ADK: variants seen among roughly 807,000 people sequenced by gnomAD.
The protein encoded by ADK is adenosine kinase, also known as N6,N6-dimethyladenosine kinase.
A neutral mutation model predicts 44.7 loss-of-function variants in ADK; 24 were observed. The observed-to-expected ratio is 0.54, with a 90% CI of 0.39 to 0.76. The LOEUF is 0.76. Among genes scored for constraint, ADK ranks in the 30% least tolerant of loss-of-function variants. ADK has a pLI of 0.00. For missense variants in ADK, 321 were observed against 425.1 expected (o/e 0.76, Z 2.15); for synonymous variants, 128 against 142.6 (o/e 0.90, Z 0.73).
intron 6 of ADK, among the ~76,000 whole-genome samples, chr10:74,482,660 C>G (rs990012009): frequency 5.3e-5 from 8 of 152,254 alleles, no homozygotes; most frequent in African/African-American, 1.9e-4. Context: ...TAGTTACTTC[C>G]ATGATACAAT....
chr10:74,509,456 G>A (rs866463282), intron 6 of ADK: 1 of 152,334 alleles, frequency 6.6e-6, no homozygotes, highest in African/African-American at 2.4e-5. Context: ...CTCCCAAAGT[G>A]CTGGGATTAC....
intron 4 of ADK, among the ~76,000 whole-genome samples, chr10:74,330,910 C>A (rs1379306805): frequency 6.6e-6 from 1 of 152,182 alleles, no homozygotes; most frequent in Admixed American, 6.5e-5. Context: ...TTATTTATAG[C>A]CACCATGTTT....
chr10:74,196,572 T>C (rs572950064), intron 1 of ADK, among the ~76,000 whole-genome samples: 17 of 152,264 alleles, frequency 1.1e-4, no homozygotes, highest in African/African-American at 4.1e-4. Context: ...TAATCTTTTC[T>C]ATATTACAGT....
At chr10:74,670,993 G>A (rs1289568799) in intron 10 of ADK, among the ~76,000 whole-genome samples, 1 of 127,900 alleles carries the variant, frequency 7.8e-6, no homozygotes, top group African/African-American at 3.0e-5. Flanking sequence ...GGTCTTTCCT[G>A]GTCTCTGTTT....
At chr10:74,264,690 A>G (rs141781738) in intron 3 of ADK, among the ~76,000 whole-genome samples, 84 of 152,280 alleles carry the variant, frequency 5.5e-4, no homozygotes, top group Non-Finnish European at 9.8e-4. Context: ...TATTTAAGAA[A>G]TTACTTCCTA....
Position 74,650,710 on chromosome 10 carries a change from A to G in ADK, c.878-19473A>G, listed in dbSNP as rs536489354. 2.0e-5 allele frequency among the ~76,000 whole-genome samples: 3 copies of G among 152,288 alleles called. No homozygotes were observed. The South Asian group carries it at 6.2e-4, about 32-fold the overall frequency. ...GAGACTTCACATACCACACACAATT[A>G]ATGACATCAACCTTGCAGTACTGAC... On this transcript the variant is annotated intron_variant, in intron 9 of 10. Transcript: ENST00000539909.
intron 6 of ADK, among the ~76,000 whole-genome samples, chr10:74,483,034 A>G (rs1847130007): frequency 6.6e-6 from 1 of 152,122 alleles, no homozygotes; most frequent in African/African-American, 2.4e-5. Context: ...GCAGTTTCCC[A>G]GTGGGGACTC....
intron 1 of ADK, among the ~76,000 whole-genome samples, chr10:74,161,899 A>G (rs1841909065): frequency 6.6e-6 from 1 of 151,398 alleles, no homozygotes; most frequent in Non-Finnish European, 1.5e-5. Flanking sequence ...CTTTTGTAGA[A>G]ACAGGGTCTC....
Position 74,291,774 on chromosome 10 carries a change from T to C in ADK, c.195-22893T>C, listed in dbSNP as rs139383861. Among the ~76,000 whole-genome samples, 6 of 151,812 alleles carry C rather than the reference T, an allele frequency of 4.0e-5. No individual in the cohort carries two copies. In the East Asian group the frequency reaches 1.2e-3, roughly 29 times the overall value. On this transcript the variant is annotated intron_variant, in intron 3 of 10. Coordinates refer to ENST00000539909, the MANE Select transcript of ADK (RefSeq NM_006721.4). ...GGTAGACAGTTGGCAAAGGATGTGA[T>C]ATTGATTCTAATTTTGGCTACCTTT...
rs11819705 is a variant in ADK, at chr10:74,532,852, G to A, written c.726+7426G>A. Among the ~76,000 whole-genome samples the A allele has an allele frequency of 3.0e-3, 452 of 150,350 alleles. 6 individuals are homozygous for A. Among genetic ancestry groups the A allele is most frequent in the African/African-American group, 9.8e-3 (401 of 40,874 alleles). On this transcript the variant is annotated intron_variant, in intron 7 of 10. Coordinates refer to ENST00000539909, the MANE Select transcript of ADK (RefSeq NM_006721.4). ...CCTGAGGCAGGAGAACCCAGGAGGCGGAGGTTGCGATGAGCCGAGATCATG... is the reference window on the plus strand; with the variant it reads ...CCTGAGGCAGGAGAACCCAGGAGGCAGAGGTTGCGATGAGCCGAGATCATG...
At position 74,302,135 on chromosome 10, in the gene ADK, T is replaced by G. The variant is rs1258504373; in HGVS notation, c.195-12532T>G. 8.9e-4 allele frequency among the ~76,000 whole-genome samples: 77 copies of G among 86,790 alleles called. 4 individuals carry two copies. The highest frequency in any genetic ancestry group is 2.4e-3 in the East Asian group (8 of 3,266). The allele number at this position is 86,790 out of a possible 152,430, so 56.9% of individuals were successfully genotyped here. A position where few individuals can be genotyped will look rare whatever the true frequency, so the allele number is the denominator to read the frequency against. The stretch of plus-strand genomic sequence containing the variant: ...TTTTTTTTTTTTTTTTTTTTTTTTT[T>G]TTTTTTTTTTTGAGATGGAGTCTTG... On this transcript the variant is annotated intron_variant, in intron 3 of 10. Coordinates refer to ENST00000539909, the MANE Select transcript of ADK (RefSeq NM_006721.4).
chr10:74,638,856 G>A (rs180889353), intron 9 of ADK, among the ~76,000 whole-genome samples: 6 of 152,160 alleles, frequency 3.9e-5, no homozygotes, highest in South Asian at 2.1e-4. Context: ...CAAGGCTGGA[G>A]TACAGTGGCA....
intron 6 of ADK, among the ~76,000 whole-genome samples, chr10:74,464,005 A>G (rs1846263484): frequency 6.6e-6 from 1 of 152,222 alleles, no homozygotes; most frequent in Non-Finnish European, 1.5e-5. Context: ...TCTTGATTTT[A>G]TGACTAATAT....
intron 3 of ADK, among the ~76,000 whole-genome samples, chr10:74,226,805 G>A (rs1056811795): frequency 6.6e-6 from 1 of 151,954 alleles, no homozygotes; most frequent in East Asian, 1.9e-4. Flanking sequence ...TTAACATTCT[G>A]TTGTTTATTT....
intron 1 of ADK, among the ~76,000 whole-genome samples, chr10:74,164,660 A>G (rs534394341): frequency 6.6e-6 from 1 of 152,250 alleles, no homozygotes; most frequent in Admixed American, 6.5e-5. Context: ...TCTTTAGAGA[A>G]ATATATACAT....
At chr10:74,402,999 A>T (rs935184484) in intron 6 of ADK, among the ~76,000 whole-genome samples, 1 of 151,944 alleles carries the variant, frequency 6.6e-6, no homozygotes, top group African/African-American at 2.4e-5. Flanking sequence ...GGTCTGTTGG[A>T]GTTTGCTGGA....
chr10:74,219,398 A>G (rs1451783969), intron 2 of ADK, among the ~76,000 whole-genome samples: 1 of 152,194 alleles, frequency 6.6e-6, no homozygotes, highest in Non-Finnish European at 1.5e-5. Flanking sequence ...AAAGAGACTT[A>G]GACTCCCACA....
chr10:74,485,232 G>A (rs1847222397), intron 6 of ADK, among the ~76,000 whole-genome samples: 1 of 151,904 alleles, frequency 6.6e-6, no homozygotes, highest in South Asian at 2.1e-4. Context: ...ATACCAACAG[G>A]AAATTTACCT....
At chr10:74,570,504 A>T (rs1354856202) in intron 7 of ADK, among the ~76,000 whole-genome samples, 1 of 152,032 alleles carries the variant, frequency 6.6e-6, no homozygotes, top group Non-Finnish European at 1.5e-5. Context: ...GAGGTCCTTC[A>T]CATCCCTTGT....
Sources: gnomAD v4.1 joint callset for allele counts (sites outside exome capture counted in the v4.1 genomes callset) on GRCh38, gnomAD v4.1.1 for gene constraint, MANE v1.5 for transcripts, NCBI Gene and HGNC (gene_info 2026-07-23, HGNC 2026-07-21) for gene names.